Variants in TENM2 observed in about 807,000 individuals in gnomAD.
The protein encoded by TENM2 is teneurin transmembrane protein 2.
In TENM2, 52 loss-of-function variants were observed where a neutral mutation model predicts 245.2. The observed-to-expected ratio is 0.21, with a 90% CI of 0.17 to 0.27. The LOEUF (loss-of-function observed/expected upper bound fraction) is 0.27. TENM2 is among the 10% of genes least tolerant of loss of function. The pLI is 1.00. For synonymous variants in TENM2, 1,363 were observed against 1,438.9 expected (o/e 0.95, Z 1.19); for missense variants, 3,046 against 3,666.8 (o/e 0.83, Z 4.37).
chr5:168,075,825 G>A (rs1448158404), intron 7 of TENM2, among the ~76,000 whole-genome samples: 1 of 152,236 alleles, frequency 6.6e-6, no homozygotes, highest in African/African-American at 2.4e-5. Flanking sequence ...AGCCAAAGGA[G>A]AAGTAAAGGC....
At chr5:167,516,851 G>A (rs1440130575) in intron 2 of TENM2, among the ~76,000 whole-genome samples, 1 of 152,184 alleles carries the variant, frequency 6.6e-6, no homozygotes, top group Non-Finnish European at 1.5e-5. Flanking sequence ...ACACCTGTTT[G>A]CTTTACAATG....
chr5:167,114,275 A>G, the TENM2 span, among the ~76,000 whole-genome samples: 1 of 152,246 alleles, frequency 6.6e-6, no homozygotes, highest in African/African-American at 2.4e-5. Flanking sequence ...AGTGTTTCCC[A>G]TAGCTATAAG....
chr5:167,614,458 G>A (rs531787558), intron 2 of TENM2, among the ~76,000 whole-genome samples: 1 of 152,208 alleles, frequency 6.6e-6, no homozygotes, highest in South Asian at 2.1e-4. Flanking sequence ...CCAGGCCCCA[G>A]GCTTCTGTGC....
At chr5:168,191,314 T>A (rs1327417366) in intron 14 of TENM2, among the ~76,000 whole-genome samples, 1 of 152,058 alleles carries the variant, frequency 6.6e-6, no homozygotes, top group Non-Finnish European at 1.5e-5. Context: ...CACCACCCCA[T>A]CCCCTCCTCT....
At chr5:167,565,073 G>A (rs4869056) in intron 2 of TENM2, among the ~76,000 whole-genome samples, 81,996 of 152,164 alleles carry the variant, frequency 0.54, 23,456 homozygotes, top group Middle Eastern at 0.65. Flanking sequence ...AAAAGAAATG[G>A]TGATAGACTG....
intron 12 of TENM2, among the ~76,000 whole-genome samples, chr5:168,150,692 A>C (rs1009482124): frequency 1.3e-5 from 2 of 152,198 alleles, no homozygotes; most frequent in African/African-American, 4.8e-5. Context: ...TAAAAGCAGA[A>C]GATTTCTTGG....
the TENM2 span, among the ~76,000 whole-genome samples, chr5:167,107,292 G>C: frequency 6.8e-6 from 1 of 147,446 alleles, no homozygotes; most frequent in African/African-American, 2.5e-5. Context: ...AGGAAGGAGG[G>C]AAGGGAAGAA....
chr5:167,925,486 T>G (rs1187565212), intron 3 of TENM2, among the ~76,000 whole-genome samples: 1 of 152,214 alleles, frequency 6.6e-6, no homozygotes, highest in Admixed American at 6.5e-5. Flanking sequence ...TCAAATTATA[T>G]GCTTAAGACA....
intron 7 of TENM2, among the ~76,000 whole-genome samples, chr5:168,081,767 C>A (rs1317125974): frequency 6.6e-6 from 1 of 152,242 alleles, no homozygotes; most frequent in Non-Finnish European, 1.5e-5. Context: ...CCCCCACTCT[C>A]TTCTGGCTTG....
chr5:167,760,434 G>A (rs1762587324), intron 2 of TENM2, among the ~76,000 whole-genome samples: 1 of 152,168 alleles, frequency 6.6e-6, no homozygotes, highest in Admixed American at 6.5e-5. Context: ...CTGTGAGTTA[G>A]ACTTAGGCCC....
the TENM2 span, among the ~76,000 whole-genome samples, chr5:167,012,042 G>A: frequency 6.6e-6 from 1 of 152,080 alleles, no homozygotes; most frequent in Non-Finnish European, 1.5e-5. Context: ...TGGCCTCTCG[G>A]TAACCATAAA....
At chr5:167,763,849 A>AT (rs888821115) in intron 2 of TENM2, among the ~76,000 whole-genome samples, 10 of 148,520 alleles carry the variant, frequency 6.7e-5, no homozygotes, top group East Asian at 3.9e-4. Context: ...TACAGTGAGC[A>AT]TTTTTTTTTT....
exon 13 of TENM2, chr5:168,162,628 T>C: frequency 6.2e-7 from 1 of 1,613,958 alleles, no homozygotes; most frequent in Non-Finnish European, 8.5e-7. Context: ...CCCTGACTTG[T>C]GCAACGGTAA....
intron 1 of TENM2, among the ~76,000 whole-genome samples, chr5:167,361,324 C>T (rs992123391): frequency 1.3e-5 from 2 of 152,066 alleles, no homozygotes; most frequent in African/African-American, 2.4e-5. Flanking sequence ...TTCCTAATTG[C>T]ATTCTTCTCC....
At chr5:167,767,076 A>C (rs1763078994) in intron 2 of TENM2, among the ~76,000 whole-genome samples, 1 of 152,190 alleles carries the variant, frequency 6.6e-6, no homozygotes, top group Non-Finnish European at 1.5e-5. Context: ...AAGAGCAAAG[A>C]CTCAGACAGA....
intron 2 of TENM2, among the ~76,000 whole-genome samples, chr5:167,844,425 A>C (rs1769843518): frequency 6.6e-6 from 1 of 152,202 alleles, no homozygotes; most frequent in Non-Finnish European, 1.5e-5. Flanking sequence ...GAGATGGGAA[A>C]ATTGTTCTTG....
chr5:168,023,211 C>T (rs1308028136), intron 5 of TENM2, among the ~76,000 whole-genome samples: 3 of 152,196 alleles, frequency 2.0e-5, no homozygotes, highest in Admixed American at 6.5e-5. Context: ...TCGGCAGCCA[C>T]GCTGATGCGA....
At chr5:168,025,641 A>G (rs1178802339) in intron 5 of TENM2, among the ~76,000 whole-genome samples, 1 of 152,198 alleles carries the variant, frequency 6.6e-6, no homozygotes, top group Non-Finnish European at 1.5e-5. Context: ...TGACTACCAT[A>G]TGTGCTTGGG....
intron 2 of TENM2, among the ~76,000 whole-genome samples, chr5:167,532,524 G>A (rs140753361): frequency 4.6e-5 from 7 of 151,916 alleles, no homozygotes; most frequent in Non-Finnish European, 8.8e-5. Flanking sequence ...GGGAACTCCC[G>A]TTTTTAAAAC....
Sources: gnomAD v4.1 joint callset for allele counts (sites outside exome capture counted in the v4.1 genomes callset) on GRCh38, gnomAD v4.1.1 for gene constraint, MANE v1.5 for transcripts, NCBI Gene and HGNC (gene_info 2026-07-23, HGNC 2026-07-21) for gene names.